The following AATF variants were observed in gnomAD, a reference collection of about 807,000 sequenced individuals.
The protein encoded by AATF is apoptosis antagonizing transcription factor.
A neutral mutation model predicts 63.7 loss-of-function variants in AATF; 48 were observed. That is an observed-to-expected ratio of 0.75 (90% CI 0.60 to 0.96). The LOEUF (loss-of-function observed/expected upper bound fraction) is 0.96, where lower values mean the gene tolerates loss of function less well. AATF is among the 40% of genes least tolerant of loss of function. The pLI, the probability that AATF is intolerant of heterozygous loss-of-function variation, is 0.00. For missense variants in AATF, 639 were observed against 685.7 expected, an observed-to-expected ratio of 0.93 and a Z score of 0.76; for synonymous variants, 258 against 247.7, an observed-to-expected ratio of 1.04 and a Z score of -0.39.
intron 7 of AATF, among the ~76,000 whole-genome samples, chr17:36,990,077 A>G (rs2071201782): frequency 7.7e-6 from 1 of 130,400 alleles, no homozygotes; most frequent in South Asian, 2.3e-4. Context: ...GTAACTATAT[A>G]TGTGTGCAAA....
At chr17:36,963,106 ACT>A (rs1006003162) in intron 4 of AATF, among the ~76,000 whole-genome samples, 3 of 152,128 alleles carry the variant, frequency 2.0e-5, no homozygotes, top group African/African-American at 4.8e-5. Flanking sequence ...CAAGAGCAAA[ACT>A]CTGTCTCAAA....
intron 8 of AATF, among the ~76,000 whole-genome samples, chr17:37,018,075 CAGA>C (rs2071441094): frequency 6.6e-6 from 1 of 152,238 alleles, no homozygotes; most frequent in Non-Finnish European, 1.5e-5. Flanking sequence ...AAATTTCTCT[CAGA>C]AGATTTTTGG....
At chr17:37,010,424 C>T (rs1456975723) in intron 8 of AATF, among the ~76,000 whole-genome samples, 2 of 152,072 alleles carry the variant, frequency 1.3e-5, no homozygotes, top group Non-Finnish European at 2.9e-5. Context: ...TGCCACTGCA[C>T]TCCAGCCTGG....
At chr17:37,043,613 A>G (rs972031528) in intron 11 of AATF, among the ~76,000 whole-genome samples, 1 of 152,214 alleles carries the variant, frequency 6.6e-6, no homozygotes, top group Non-Finnish European at 1.5e-5. Flanking sequence ...ATTTGGTATT[A>G]TCGAGATTTT....
intron 8 of AATF, among the ~76,000 whole-genome samples, chr17:37,007,402 C>T (rs1426400666): frequency 1.5e-5 from 2 of 134,184 alleles, no homozygotes; most frequent in African/African-American, 2.9e-5. Flanking sequence ...CAGGTTCTCA[C>T]TGCATTGCCT....
At position 36,949,301 on chromosome 17, in the gene AATF, G is replaced by T. The variant is rs2070833722; in HGVS notation, c.91+85G>T. On this transcript the variant is annotated intron_variant, in intron 1 of 11. Transcript: ENST00000619387. The stretch of plus-strand genomic sequence containing the variant: ...GGGGCGGCGTGGGAGGGGCGTGCGC[G>T]AGGCCGCCGGGCCTGCGCTCCTTCG... 3.0e-6 allele frequency: 4 copies of T among 1,312,216 alleles called. No homozygotes were observed. The East Asian group carries it at 1.1e-4, about 37-fold the overall frequency. 81.3% of individuals were successfully genotyped at this position (1,312,216 alleles called of 1,614,324 possible).
chr17:37,001,930 G>A (rs1047909007), intron 8 of AATF, among the ~76,000 whole-genome samples: 4 of 152,136 alleles, frequency 2.6e-5, no homozygotes, highest in Non-Finnish European at 4.4e-5. Flanking sequence ...AGCTAGGCAC[G>A]GTGGCTCACG....
At chr17:36,958,070 A>C (rs1235883514) in intron 4 of AATF, among the ~76,000 whole-genome samples, 1 of 152,216 alleles carries the variant, frequency 6.6e-6, no homozygotes, top group Non-Finnish European at 1.5e-5. Context: ...GTGGCTGCAT[A>C]AGTGGTAAGT....
intron 4 of AATF, among the ~76,000 whole-genome samples, chr17:36,960,385 G>A (rs912697250): frequency 3.3e-5 from 5 of 152,156 alleles, no homozygotes; most frequent in African/African-American, 9.7e-5. Flanking sequence ...TAAATTTTGC[G>A]TAAGCTGTGG....
rs746104253 is a variant in AATF, at chr17:36,949,147, G to A, written c.22G>A (p.Ala8Thr). MAGPQPL[A>T]LQLEQLLNPR... Reference sequence around the variant, plus strand: ...GACGATGGCGGGGCCGCAGCCCCTGGCGCTGCAACTGGAACAGTTGTTGAA... The same window carrying A: ...GACGATGGCGGGGCCGCAGCCCCTGACGCTGCAACTGGAACAGTTGTTGAA... Residue 8 changes from alanine (A) to threonine (T), a missense_variant, in exon 1 of 12, where the codon GCG becomes ACG. Transcript: ENST00000619387. 1 of 1,585,412 alleles carries A rather than the reference G, an allele frequency of 6.3e-7. No homozygotes were observed. The highest frequency in any genetic ancestry group is 1.8e-5 in the Admixed American group (1 of 54,712).
At chr17:37,011,630 G>A (rs1034115717) in intron 8 of AATF, among the ~76,000 whole-genome samples, 2 of 152,172 alleles carry the variant, frequency 1.3e-5, no homozygotes, top group Non-Finnish European at 2.9e-5. Flanking sequence ...AGGAGTGGCA[G>A]TATTTAATGG....
At chr17:37,047,737 C>A (rs1327534844) in intron 11 of AATF, among the ~76,000 whole-genome samples, 1 of 152,184 alleles carries the variant, frequency 6.6e-6, no homozygotes, top group East Asian at 1.9e-4. Context: ...CCTTCAAGCA[C>A]TGGGGAGGAT....
In AATF at chr17:37,044,313, C is replaced by T. The variant is rs12941237; in HGVS notation, c.1620-12288C>T. ...AGGTCTCCATGCTAAACCATTGCAC[C>T]GCTTGAGGGCCGGCTCCTTATTTTG... is the stretch of plus-strand genomic sequence containing the variant. On this transcript the variant is annotated intron_variant, in intron 11 of 11. Coordinates refer to ENST00000619387, the MANE Select transcript of AATF (RefSeq NM_012138.4). Among the ~76,000 whole-genome samples the T allele has an allele frequency of 4.1e-3, 623 of 152,200 alleles. 3 individuals carry two copies. Among genetic ancestry groups the T allele is most frequent in the African/African-American group, 0.014 (562 of 41,502 alleles).
chr17:36,968,344 G>A (rs11871460), intron 4 of AATF, among the ~76,000 whole-genome samples: 35,046 of 129,118 alleles, frequency 0.27, 6,350 homozygotes, highest in African/African-American at 0.55. Context: ...TCTTGATCTC[G>A]GCTCACTGCA....
At chr17:36,950,504 G>A (rs765468701) in intron 2 of AATF, 99 bp downstream of exon 2, 15 of 1,245,694 alleles carry the variant, frequency 1.2e-5, no homozygotes, top group South Asian at 3.1e-5. Context: ...AGTAGTCTGC[G>A]GATCTTTTTT....
intron 4 of AATF, among the ~76,000 whole-genome samples, chr17:36,960,589 T>C (rs1002874862): frequency 4.6e-5 from 7 of 152,330 alleles, no homozygotes; most frequent in Middle Eastern, 3.4e-3. Context: ...TTTAAATTAC[T>C]TAGTTGCCTT....
chr17:37,056,752 G>C lies in AATF; in HGVS notation c.*88G>C. 3 of 1,396,392 alleles carry C rather than the reference G, an allele frequency of 2.1e-6. No homozygotes were observed. The highest frequency in any genetic ancestry group is 3.0e-6 in the Non-Finnish European group (3 of 992,600). 86.5% of individuals were successfully genotyped at this position (1,396,392 alleles called of 1,614,324 possible). A position where few individuals can be genotyped will look rare whatever the true frequency, so the allele number is the denominator to read the frequency against. On this transcript the variant is annotated 3_prime_UTR_variant, in exon 12 of 12. Coordinates refer to ENST00000619387, the MANE Select transcript of AATF (RefSeq NM_012138.4). ...GAAACCAGTGACTTTATGGGGCTGA[G>C]CTAGTAGGGAAGCCCCTGGAAAGAT...
intron 11 of AATF, among the ~76,000 whole-genome samples, chr17:37,040,182 A>C (rs2071625819): frequency 6.6e-6 from 1 of 152,222 alleles, no homozygotes; most frequent in African/African-American, 2.4e-5. Flanking sequence ...AGTTACTTGC[A>C]AGCCGGTAGG....
intron 8 of AATF, 89 bp from the exon 9 acceptor site, chr17:37,018,916 T>C: frequency 1.9e-6 from 2 of 1,042,538 alleles, no homozygotes; most frequent in South Asian, 1.3e-5. Context: ...GAGCTGTCAC[T>C]ATGCCATTCA....
Sources: gnomAD v4.1 joint callset for allele counts (sites outside exome capture counted in the v4.1 genomes callset) on GRCh38, gnomAD v4.1.1 for gene constraint, MANE v1.5 for transcripts, NCBI Gene and HGNC (gene_info 2026-07-23, HGNC 2026-07-21) for gene names.